TM6SF1: variants seen among roughly 807,000 people sequenced by gnomAD.
The protein encoded by TM6SF1 is transmembrane 6 superfamily member 1.
TM6SF1 carries 43 observed loss-of-function variants against 47.1 expected under a neutral mutation model. The ratio of observed to expected loss-of-function variants is 0.91; its 90% confidence interval spans 0.72 to 1.18. The LOEUF (loss-of-function observed/expected upper bound fraction) is 1.18, where lower values mean the gene tolerates loss of function less well. Ranked by LOEUF, TM6SF1 falls within the 50% of genes most tolerant of loss-of-function variation. TM6SF1 has a pLI of 0.00. For missense variants in TM6SF1, 390 were observed against 449.0 expected (o/e 0.87, Z 1.19); for synonymous variants, 177 against 166.3 (o/e 1.06, Z -0.49).
At position 83,119,804 on chromosome 15, in the gene TM6SF1, A is replaced by G. The variant is rs1372903234; in HGVS notation, c.398+123A>G. 6 of 1,489,090 alleles carry G rather than the reference A, an allele frequency of 4.0e-6. No individual in the cohort carries two copies. The African/African-American group carries it at 5.5e-5, about 14-fold the overall frequency. 92.2% of individuals were successfully genotyped at this position (1,489,090 alleles called of 1,614,324 possible). ...TATACTGGACATGAATATAAGTTCC[A>G]TGGGTGCACGTCAGACGTGGCTTTA... On this transcript the variant is annotated intron_variant, in intron 4 of 9. Transcript: ENST00000322019.
rs373514177 is a variant in TM6SF1, at chr15:83,119,568, C to T, written c.295-10C>T. On this transcript the variant is annotated splice_polypyrimidine_tract_variant and intron_variant, in intron 3 of 9. Transcript: ENST00000322019. Reference sequence around the variant, plus strand: ...ATTTAAAGTGGACTTCTTTTTAATGCTTTCTTTAGGGTGAACCGTATCTGA... The same window carrying T: ...ATTTAAAGTGGACTTCTTTTTAATGTTTTCTTTAGGGTGAACCGTATCTGA... 3.1e-6 allele frequency: 5 copies of T among 1,612,952 alleles called. No homozygotes were observed. Among genetic ancestry groups the T allele is most frequent in the Non-Finnish European group, 4.2e-6 (5 of 1,179,590 alleles).
At chr15:83,131,777 T>C (rs994726626) in intron 9 of TM6SF1, 2 of 152,228 alleles carry the variant, frequency 1.3e-5, no homozygotes, top group Non-Finnish European at 2.9e-5. Flanking sequence ...GGACACATTT[T>C]AGACCAAAGA....
chr15:83,115,188 GCTCAC>G, intron 2 of TM6SF1: 68 of 166,602 alleles, frequency 4.1e-4, no homozygotes, highest in South Asian at 1.9e-3. Flanking sequence ...TGTGATCTCG[GCTCAC>G]TGCAACCTCC....
At chr15:83,127,238 C>A (rs1349677345) in intron 8 of TM6SF1, 120 bp from the exon 9 acceptor site, 5 of 974,666 alleles carry the variant, frequency 5.1e-6, no homozygotes, top group Non-Finnish European at 5.6e-6. Context: ...AAAAAAGAGT[C>A]CCATATAGGA....
rs1596458356 is a variant in TM6SF1, at chr15:83,107,852, C to T, written c.92+80C>T. 6.7e-7 allele frequency: 1 copy of T among 1,490,990 alleles called. No individual in the cohort carries two copies. Among genetic ancestry groups the T allele is most frequent in the East Asian group, 2.9e-5 (1 of 34,610 alleles). The allele number at this position is 1,490,990 out of a possible 1,614,324, so 92.4% of individuals were successfully genotyped here. The stretch of plus-strand genomic sequence containing the variant: ...CCGCGACGGGAGCCTCGCAACTTTT[C>T]CGAGGGGGCTGGGACCGTCCGCCGC... On this transcript the variant is annotated intron_variant, in intron 1 of 9. Transcript: ENST00000322019. This position sits in a 1 kb window ranked among gnomAD's most constrained non-coding sequence, Gnocchi z 5.6.
chr15:83,126,529 CAAG>C (rs1037086241), intron 7 of TM6SF1, among the ~76,000 whole-genome samples: 22 of 152,248 alleles, frequency 1.4e-4, no homozygotes, highest in Admixed American at 4.6e-4. Context: ...GAAAAATACC[CAAG>C]AATAGGGCAT....
intron 9 of TM6SF1, chr15:83,128,230 A>G (rs1339776875): frequency 6.6e-6 from 1 of 152,256 alleles, no homozygotes; most frequent in Non-Finnish European, 1.5e-5. Flanking sequence ...TGTACAGTCA[A>G]TTATATGCAT....
rs1315083529 is a variant in TM6SF1 at position 83,136,491 on chromosome 15, C to T, written c.932C>T (p.Ser311Phe). The change falls in exon 10 of 10, where the codon TCT (serine) becomes TTT (phenylalanine). Residue 311 changes from serine to phenylalanine, a missense_variant. Physicochemically the swap from Ser to Phe is radical, Grantham distance 155. Coordinates refer to ENST00000322019, the MANE Select transcript of TM6SF1 (RefSeq NM_023003.5). ...TTTTAAATGCAACAGGCTCAGTTTT[C>T]TCACATTGGTGCATCTCTTCATGCT... ...HAGGLAQAQF[S>F]HIGASLHART... 1.3e-6 allele frequency: 2 copies of T among 1,577,064 alleles called. No homozygotes were observed. The highest frequency in any genetic ancestry group is 1.7e-6 in the Non-Finnish European group (2 of 1,169,156).
At chr15:83,112,174 G>T (rs912263606) in intron 1 of TM6SF1, among the ~76,000 whole-genome samples, 17 of 152,148 alleles carry the variant, frequency 1.1e-4, no homozygotes, top group African/African-American at 3.6e-4. Flanking sequence ...ATGGTTTGGG[G>T]TTGGATGCTG....
In TM6SF1 at chr15:83,107,687, GC is replaced by G; in HGVS notation, c.9del (p.Ser4LeufsTer33). The G allele has an allele frequency of 6.4e-7, 1 of 1,553,654 alleles. No homozygotes were observed. The highest frequency in any genetic ancestry group is 8.7e-7 in the Non-Finnish European group (1 of 1,151,898). On this transcript the variant is annotated frameshift_variant, in exon 1 of 10. Coordinates refer to ENST00000322019, the MANE Select transcript of TM6SF1 (RefSeq NM_023003.5). LOFTEE classifies it high-confidence loss of function. This position sits in a 1 kb window ranked among gnomAD's most constrained non-coding sequence, Gnocchi z 5.6. ...GAGCGGCGCGGCGGCTGCGATGAGT[GC>G]CTCTGCGGCCACCGGGGTCTTCGTG... MSASAATGVFVLS... is the reference protein window; with the variant it reads MSXSAATGVFVLS...
intron 6 of TM6SF1, 30 bp from the exon 7 acceptor site, chr15:83,124,642 C>A (rs750824896): frequency 5.1e-6 from 8 of 1,570,336 alleles, no homozygotes; most frequent in Non-Finnish European, 6.1e-6. Context: ...GCACTTTGGG[C>A]CTGCTCTTTA....
intron 4 of TM6SF1, among the ~76,000 whole-genome samples, chr15:83,121,388 A>G (rs996108719): frequency 6.6e-6 from 1 of 152,036 alleles, no homozygotes; most frequent in Non-Finnish European, 1.5e-5. Context: ...GGCCTGAAGG[A>G]AGTTTTTGTC....
rs1222622146 is a variant in TM6SF1 at position 83,124,695 on chromosome 15, A to T, written c.627A>T (p.Lys209Asn). 1 of 1,613,976 alleles carries T rather than the reference A, an allele frequency of 6.2e-7. No individual in the cohort carries two copies. Among genetic ancestry groups the T allele is most frequent in the Non-Finnish European group, 8.5e-7 (1 of 1,179,998 alleles). ...PSKVIQEAQA[K>N]DLLRRPFDLM... ...AGGTTATTCAAGAAGCCCAAGCGAA[A>T]GACCTGCTGAGAAGACCATTTGATT... The change falls in exon 7 of 10, where the codon AAA (lysine) becomes AAT (asparagine). Residue 209 changes from lysine to asparagine, a missense_variant. By Grantham distance (94) the Lys-to-Asn change is moderately conservative (BLOSUM62 0). Transcript: ENST00000322019.
chr15:83,116,307 A>C (rs1360329159), intron 3 of TM6SF1, among the ~76,000 whole-genome samples: 3 of 152,186 alleles, frequency 2.0e-5, no homozygotes, highest in Non-Finnish European at 4.4e-5. Flanking sequence ...TAAATTTGTA[A>C]AGTACCCAAC....
chr15:83,121,902 TTTG>T lies in TM6SF1; in HGVS notation c.399-7_399-5del, dbSNP rs756577377. 196 of 1,572,866 alleles carry T rather than the reference TTTG, an allele frequency of 1.2e-4. No individual in the cohort carries two copies. The highest frequency in any genetic ancestry group is 1.6e-4 in the Non-Finnish European group (185 of 1,158,894). On this transcript the variant is annotated splice_polypyrimidine_tract_variant and intron_variant, in intron 4 of 9. Transcript: ENST00000322019. Reference sequence around the variant, plus strand: ...GACAAACATACCAAGTCAAGATTTTTTTGTTGTTGTTGTTACAGGGAAACTTAT... The same window carrying T: ...GACAAACATACCAAGTCAAGATTTTTTTGTTGTTGTTACAGGGAAACTTAT...
At chr15:83,117,890 G>A (rs898750094) in intron 3 of TM6SF1, among the ~76,000 whole-genome samples, 1 of 152,130 alleles carries the variant, frequency 6.6e-6, no homozygotes, top group African/African-American at 2.4e-5. Context: ...ACATAGCTGT[G>A]GTCCAGTGAG....
At chr15:83,120,704 G>A (rs895299487) in intron 4 of TM6SF1, among the ~76,000 whole-genome samples, 6 of 151,374 alleles carry the variant, frequency 4.0e-5, no homozygotes, top group South Asian at 2.1e-4. Flanking sequence ...GACTACAGGC[G>A]TGTGTCACTA....
At chr15:83,109,887 G>A (rs2033990404) in intron 1 of TM6SF1, among the ~76,000 whole-genome samples, 1 of 152,234 alleles carries the variant, frequency 6.6e-6, no homozygotes, top group African/African-American at 2.4e-5. Context: ...GCCGCACCTG[G>A]ACTTTATGGC....
At position 83,127,357 on chromosome 15, in the gene TM6SF1, G is replaced by T. The variant is rs778742801; in HGVS notation, c.802-1G>T. ...TGATGTTATTTCTCTGTTCAATACA[G>T]ATGCTGGCATATATGTTCTATTCTG... On this transcript the variant is annotated splice_acceptor_variant, in intron 8 of 9. Transcript: ENST00000322019. LOFTEE classifies it high-confidence loss of function. 10 of 1,611,084 alleles carry T rather than the reference G, an allele frequency of 6.2e-6. No homozygotes were observed. The highest frequency in any genetic ancestry group is 7.6e-6 in the Non-Finnish European group (9 of 1,178,978).
Sources: gnomAD v4.1 joint callset for allele counts (sites outside exome capture counted in the v4.1 genomes callset) on GRCh38, gnomAD v4.1.1 for gene constraint, Gnocchi (gnomAD v3.1) non-coding constraint, MANE v1.5 for transcripts, NCBI Gene and HGNC (gene_info 2026-07-23, HGNC 2026-07-21) for gene names.